Variants in ANKRD36B observed in about 807,000 individuals in gnomAD.
ANKRD36B encodes ankyrin repeat domain-containing protein 36B.
ANKRD36B carries 37 observed loss-of-function variants against 135.7 expected under a neutral mutation model. That is an observed-to-expected ratio of 0.27 (90% CI 0.21 to 0.36). The LOEUF (loss-of-function observed/expected upper bound fraction) is 0.36, where lower values mean the gene tolerates loss of function less well. ANKRD36B is among the 10% of genes least tolerant of loss of function. The pLI is 1.00. For missense variants in ANKRD36B, 549 were observed against 1,037.1 expected, an observed-to-expected ratio of 0.53 and a Z score of 6.46; for synonymous variants, 179 against 348.1, an observed-to-expected ratio of 0.51 and a Z score of 5.41.
chr2:97,530,980 T>C (rs2104451461), intron 35 of ANKRD36B, among the ~76,000 whole-genome samples: 1 of 96,216 alleles, frequency 1.0e-5, no homozygotes, highest in South Asian at 2.4e-4. Flanking sequence ...AGTTCAACCA[T>C]TGTGGAAGTC....
intron 1 of ANKRD36B, among the ~76,000 whole-genome samples, chr2:97,588,181 A>G (rs2083160022): frequency 6.6e-6 from 1 of 152,080 alleles, no homozygotes; most frequent in South Asian, 2.1e-4. Flanking sequence ...TTTTTAATCT[A>G]CATTCCATAA....
chr2:97,577,110 G>A (rs4063676), intron 5 of ANKRD36B, among the ~76,000 whole-genome samples: 11,369 of 150,680 alleles, frequency 0.075, 1,111 homozygotes, highest in African/African-American at 0.22. Context: ...TAGGTAACAC[G>A]ATTGTTAACT....
In ANKRD36B at chr2:97,586,508, A is replaced by C. The variant is rs578062497; in HGVS notation, c.162-1110T>G. Among the ~76,000 whole-genome samples the C allele has an allele frequency of 4.2e-4, 64 of 152,278 alleles. No individual in the cohort carries two copies. The Middle Eastern group carries it at 0.01, about 24-fold the overall frequency. ...TGGGCAGGTAAACATGAAGTTGTTAAGGGTGGAAGAGTCCTGAGAGATGGT... is the reference window on the plus strand; with the variant it reads ...TGGGCAGGTAAACATGAAGTTGTTACGGGTGGAAGAGTCCTGAGAGATGGT... On this transcript the variant is annotated intron_variant, in intron 1 of 43. Transcript: ENST00000359901.
intron 6 of ANKRD36B, among the ~76,000 whole-genome samples, chr2:97,571,849 G>A (rs184505862): frequency 9.2e-5 from 14 of 152,170 alleles, no homozygotes; most frequent in Admixed American, 4.6e-4. Flanking sequence ...GTTAAGGGCC[G>A]TTCTTCATAG....
chr2:97,582,416 A>G (rs1019520996), intron 3 of ANKRD36B, among the ~76,000 whole-genome samples: 16 of 151,870 alleles, frequency 1.1e-4, no homozygotes, highest in African/African-American at 3.9e-4. Context: ...AGTCATCCCT[A>G]CAGAGGCAAG....
At chr2:97,529,937 C>T (rs1182143146) in intron 35 of ANKRD36B, among the ~76,000 whole-genome samples, 1 of 96,526 alleles carries the variant, frequency 1.0e-5, no homozygotes, top group East Asian at 2.3e-4. Context: ...ATTCCATGCT[C>T]ATGGGTAGGA....
chr2:97,560,845 T>G lies in ANKRD36B; in HGVS notation c.779A>C (p.Gln260Pro), dbSNP rs1248009081. ...INSNPVSPQK[Q>P]RAEKATSDDK... is the part of the protein sequence containing the mutation. The stretch of plus-strand genomic sequence containing the variant: ...GACTTTAATTACCTTCTCAGCTCGT[T>G]GTTTCTGAGGAGACACTGAAAAGCA... Residue 260 changes from glutamine (Q) to proline (P), a missense_variant, in exon 7 of 44, where the codon CAA becomes CCA. Coordinates refer to ENST00000359901, the MANE Select transcript of ANKRD36B (RefSeq NM_001393939.1). The G allele has an allele frequency of 1.9e-6, 3 of 1,567,936 alleles. No individual in the cohort carries two copies. In the South Asian group the frequency reaches 3.3e-5, roughly 17 times the overall value.
At chr2:97,569,415 A>C (rs1423474628) in intron 6 of ANKRD36B, among the ~76,000 whole-genome samples, 1 of 152,110 alleles carries the variant, frequency 6.6e-6, no homozygotes, top group Non-Finnish European at 1.5e-5. Flanking sequence ...ACAGGGGTTA[A>C]TTGTGAGGGA....
chr2:97,560,726 G>A lies in ANKRD36B; in HGVS notation c.804C>T (p.Asp268=), dbSNP rs572503391. 4.5e-5 allele frequency: 72 copies of A among 1,601,902 alleles called. No homozygotes were observed. The highest frequency in any genetic ancestry group is 1.5e-4 in the South Asian group (14 of 90,932). The change falls in exon 8 of 44, where the codon GAC becomes GAT. Residue 268 remains aspartate, a synonymous_variant. Transcript: ENST00000359901. ...QKQRAEKATS[D]DKDSVSNIAT... is the part of the protein sequence containing the mutation. ...CTATATTTGAAACAGAATCTTTGTC[G>A]TCACTTGTAGCCTGAATGGGATTTG...
At chr2:97,550,316 A>C (rs6756674) in intron 18 of ANKRD36B, among the ~76,000 whole-genome samples, 83,138 of 150,042 alleles carry the variant, frequency 0.55, 24,741 homozygotes, top group Non-Finnish European at 0.67. Context: ...AATATCATCA[A>C]TTATCAATTT....
rs180787019 is a variant in ANKRD36B, at chr2:97,587,047, C to G, written c.162-1649G>C. 6.0e-3 allele frequency among the ~76,000 whole-genome samples: 914 copies of G among 152,194 alleles called. 16 individuals carry two copies. Among genetic ancestry groups the G allele is most frequent in the African/African-American group, 0.021 (863 of 41,530 alleles). On this transcript the variant is annotated intron_variant, in intron 1 of 43. Coordinates refer to ENST00000359901, the MANE Select transcript of ANKRD36B (RefSeq NM_001393939.1). ...AAAATTAGCTGGGCATGGTGGCGCA[C>G]ACCTGTAATCCCAGCTACTCAGGAG...
rs553404266 is a variant in ANKRD36B at position 97,562,937 on chromosome 2, T to C, written c.764-2077A>G. On this transcript the variant is annotated intron_variant, in intron 6 of 43. Coordinates refer to ENST00000359901, the MANE Select transcript of ANKRD36B (RefSeq NM_001393939.1). ...TCTATCATCTCTTATTTTGTCGCTA[T>C]GCTTTCACCTCATATTATGAGTTAT... Among the ~76,000 whole-genome samples the C allele has an allele frequency of 2.6e-5, 4 of 152,180 alleles. No homozygotes were observed. In the East Asian group the frequency reaches 7.7e-4, roughly 29 times the overall value.
intron 43 of ANKRD36B, among the ~76,000 whole-genome samples, chr2:97,496,064 CAA>C (rs1463294376): frequency 6.1e-5 from 5 of 81,844 alleles, no homozygotes; most frequent in Non-Finnish European, 1.1e-4. Context: ...GCTGTGAATG[CAA>C]AAAAAAAAAA....
In ANKRD36B at chr2:97,527,685, G is replaced by A. The variant is rs1352927178; in HGVS notation, c.2266-4218C>T. On this transcript the variant is annotated intron_variant, in intron 35 of 43. Coordinates refer to ENST00000359901, the MANE Select transcript of ANKRD36B (RefSeq NM_001393939.1). ...ATCTCACATGCAGAGACACACATAG[G>A]TTCAAAATAAAAGGATGGAGGAAGA... Among the ~76,000 whole-genome samples the A allele has an allele frequency of 4.2e-5, 4 of 95,108 alleles. 2 individuals are homozygous for A. The highest frequency in any genetic ancestry group is 1.1e-4 in the Non-Finnish European group (4 of 35,876). The allele number at this position is 95,108 out of a possible 152,430, so 62.4% of individuals were successfully genotyped here.
chr2:97,547,028 C>A (rs925635188), intron 22 of ANKRD36B, among the ~76,000 whole-genome samples: 2 of 151,568 alleles, frequency 1.3e-5, no homozygotes, highest in Admixed American at 1.3e-4. Flanking sequence ...TCAGAAGAAA[C>A]CAGAAAATTA....
chr2:97,585,412 A>G lies in ANKRD36B; in HGVS notation c.162-14T>C. On this transcript the variant is annotated splice_polypyrimidine_tract_variant and intron_variant, in intron 1 of 43. Coordinates refer to ENST00000359901, the MANE Select transcript of ANKRD36B (RefSeq NM_001393939.1). ...TGTAGGGCAGTCCTGTGAGAGTGAC[A>G]GGACTTTTTAAAACATGTAACTGTA... 3 of 1,555,450 alleles carry G rather than the reference A, an allele frequency of 1.9e-6. No individual in the cohort carries two copies. Among genetic ancestry groups the G allele is most frequent in the Non-Finnish European group, 1.7e-6 (2 of 1,148,744 alleles).
chr2:97,534,150 A>G lies in ANKRD36B; in HGVS notation c.2192-1766T>C, dbSNP rs572138747. Among the ~76,000 whole-genome samples, 7 of 96,526 alleles carry G rather than the reference A, an allele frequency of 7.3e-5. 1 individual carries two copies. In the South Asian group the frequency reaches 1.2e-3, roughly 16 times the overall value. 63.3% of individuals were successfully genotyped at this position (96,526 alleles called of 152,430 possible). ...TTTCCACAGACATTAATAACATTTT[A>G]TACTTCAAAATCAGTACAACGTTCA... On this transcript the variant is annotated intron_variant, in intron 34 of 43. Transcript: ENST00000359901.
chr2:97,569,339 T>C (rs1489318174), intron 6 of ANKRD36B, among the ~76,000 whole-genome samples: 1 of 152,196 alleles, frequency 6.6e-6, no homozygotes, highest in Non-Finnish European at 1.5e-5. Context: ...TCCACTATGT[T>C]ATCCTTAATA....
At chr2:97,580,339 C>T (rs1179112856) in intron 4 of ANKRD36B, 123 bp downstream of exon 4, 1 of 829,474 alleles carries the variant, frequency 1.2e-6, no homozygotes, top group Admixed American at 3.2e-5. Context: ...ATATTTCTCA[C>T]TATATCCCAG....
Sources: allele counts gnomAD v4.1 joint callset (sites outside exome capture counted in the v4.1 genomes callset), GRCh38; gene constraint gnomAD v4.1.1; transcripts MANE v1.5; gene names NCBI Gene and HGNC (gene_info 2026-07-23, HGNC 2026-07-21).